Variants in ANK3 observed in about 807,000 individuals in gnomAD.
ANK3 encodes ankyrin-3.
Under a neutral mutation model 370.9 loss-of-function variants are expected in ANK3, and 57 were observed. The ratio of observed to expected loss-of-function variants is 0.15; its 90% confidence interval spans 0.12 to 0.19. The LOEUF is 0.19. Ranked by LOEUF, ANK3 falls within the 10% of genes least tolerant of loss-of-function variation. ANK3 has a pLI of 1.00. For synonymous variants in ANK3, 1,929 were observed against 1,946.3 expected, an observed-to-expected ratio of 0.99 and a Z score of 0.23; for missense variants, 4,439 against 5,302.1, an observed-to-expected ratio of 0.84 and a Z score of 5.06.
At chr10:60,369,527 T>G (rs1019746003) in intron 1 of ANK3, among the ~76,000 whole-genome samples, 2 of 152,174 alleles carry the variant, frequency 1.3e-5, no homozygotes, top group African/African-American at 4.8e-5. Flanking sequence ...CCTTAGAATA[T>G]ATGTATGCCT....
chr10:60,146,770 G>A (rs2094848405), intron 23 of ANK3, among the ~76,000 whole-genome samples: 1 of 152,168 alleles, frequency 6.6e-6, no homozygotes, highest in Admixed American at 6.5e-5. Context: ...ATGAGCCACT[G>A]CGCCCGGCAA....
rs149699719 is a variant in ANK3, at chr10:60,038,210, A to G, written c.*19+4462T>C. Among the ~76,000 whole-genome samples, 94 of 152,320 alleles carry G rather than the reference A, an allele frequency of 6.2e-4. 1 individual carries two copies. The East Asian group carries it at 0.016, about 26-fold the overall frequency. On this transcript the variant is annotated intron_variant, in intron 43 of 43. Transcript: ENST00000280772. ...TCAGGAGTTTGAGACCACCCTGGCC[A>G]ACATGGTGAAACCCCGTCTCTACTA...
chr10:60,389,674 C>A lies in ANK3; in HGVS notation c.-136G>T. 1 of 1,469,484 alleles carries A rather than the reference C, an allele frequency of 6.8e-7. No homozygotes were observed. The highest frequency in any genetic ancestry group is 9.0e-7 in the Non-Finnish European group (1 of 1,116,628). The allele number at this position is 1,469,484 out of a possible 1,614,324, so 91.0% of individuals were successfully genotyped here. On this transcript the variant is annotated 5_prime_UTR_variant, in exon 1 of 44. Coordinates refer to ENST00000280772, the MANE Select transcript of ANK3 (RefSeq NM_020987.5). The stretch of plus-strand genomic sequence containing the variant: ...CTTTGACTAGAAGCAGGAAGATATT[C>A]ACAATGCAAAGATGCTGGAGAAGCT...
intron 1 of ANK3, among the ~76,000 whole-genome samples, chr10:60,344,406 G>A (rs1292683995): frequency 3.9e-5 from 6 of 152,210 alleles, no homozygotes; most frequent in Middle Eastern, 6.8e-3. Flanking sequence ...AGATTATCCC[G>A]ATGCCAAAGA....
At chr10:60,310,603 A>G (rs1318233222) in intron 1 of ANK3, among the ~76,000 whole-genome samples, 1 of 152,228 alleles carries the variant, frequency 6.6e-6, no homozygotes, top group East Asian at 1.9e-4. Flanking sequence ...AAGAGAACAA[A>G]TTAATAAATC....
At chr10:60,446,838 A>G (rs539102426) in intron 2 of ANK3, among the ~76,000 whole-genome samples, 4 of 152,328 alleles carry the variant, frequency 2.6e-5, no homozygotes, top group African/African-American at 7.2e-5. Flanking sequence ...GCCTTTGAAA[A>G]AAATAATACA....
At chr10:60,666,656 G>A (rs534622622) in intron 1 of ANK3, among the ~76,000 whole-genome samples, 1 of 152,206 alleles carries the variant, frequency 6.6e-6, no homozygotes, top group Non-Finnish European at 1.5e-5. Context: ...AAAAAGAGGT[G>A]TGCATATATT....
chr10:60,640,826 T>C (rs1322926483), intron 1 of ANK3, among the ~76,000 whole-genome samples: 3 of 100,412 alleles, frequency 3.0e-5, no homozygotes, highest in African/African-American at 1.0e-4. Flanking sequence ...GGGTATTCAA[T>C]TAGGAAAAGA....
chr10:60,654,929 T>C (rs2078842919), intron 1 of ANK3, among the ~76,000 whole-genome samples: 1 of 152,186 alleles, frequency 6.6e-6, no homozygotes, highest in Non-Finnish European at 1.5e-5. Flanking sequence ...ATGATGATGA[T>C]TCCGTAAGAT....
At chr10:60,287,074 T>A (rs539103747) in intron 1 of ANK3, among the ~76,000 whole-genome samples, 1 of 152,282 alleles carries the variant, frequency 6.6e-6, no homozygotes, top group South Asian at 2.1e-4. Flanking sequence ...TACTGGGGGC[T>A]CACCATTTGG....
At chr10:60,226,273 C>G (rs1378320188) in intron 8 of ANK3, among the ~76,000 whole-genome samples, 4 of 100,454 alleles carry the variant, frequency 4.0e-5, no homozygotes, top group East Asian at 6.1e-4. Flanking sequence ...ACTATATATA[C>G]TATGTATATA....
At chr10:60,634,519 GCA>G (rs2133343468) in intron 1 of ANK3, among the ~76,000 whole-genome samples, 1 of 152,128 alleles carries the variant, frequency 6.6e-6, no homozygotes, top group East Asian at 1.9e-4. Flanking sequence ...GGAACAATTG[GCA>G]CTCTGTAAAA....
intron 6 of ANK3, among the ~76,000 whole-genome samples, chr10:60,262,390 C>T (rs2097820790): frequency 6.6e-6 from 1 of 152,134 alleles, no homozygotes; most frequent in African/African-American, 2.4e-5. Flanking sequence ...TGCCAATTTT[C>T]ATGACAAAAG....
intron 2 of ANK3, among the ~76,000 whole-genome samples, chr10:60,516,547 T>C (rs1451997646): frequency 6.6e-6 from 1 of 152,100 alleles, no homozygotes; most frequent in East Asian, 1.9e-4. Context: ...CTTACTCCTG[T>C]AGACAAAATA....
chr10:60,635,588 A>C (rs920629166), intron 1 of ANK3, among the ~76,000 whole-genome samples: 1 of 152,124 alleles, frequency 6.6e-6, no homozygotes, highest in African/African-American at 2.4e-5. Context: ...TATACTAGTA[A>C]AATCCAAACT....
intron 1 of ANK3, among the ~76,000 whole-genome samples, chr10:60,636,737 C>T (rs2078560222): frequency 2.0e-5 from 3 of 152,212 alleles, no homozygotes; most frequent in African/African-American, 7.2e-5. Flanking sequence ...CATCAACCTA[C>T]TCTCCTAAAA....
At chr10:60,226,308 TACTATATATACTATGTATATATAC>T in intron 8 of ANK3, among the ~76,000 whole-genome samples, 1 of 110,792 alleles carries the variant, frequency 9.0e-6, no homozygotes, top group East Asian at 2.9e-4. Flanking sequence ...GTATATGTAA[TACTATATATACTATGTATATATAC>T]TATATTATAT....
intron 2 of ANK3, among the ~76,000 whole-genome samples, chr10:60,614,873 A>C (rs1049270446): frequency 7.2e-5 from 11 of 152,124 alleles, no homozygotes; most frequent in African/African-American, 2.4e-4. Flanking sequence ...GGTCTTGGTT[A>C]CTCTGTACCT....
chr10:60,285,971 AC>A (rs1167037818), intron 1 of ANK3, among the ~76,000 whole-genome samples: 1 of 152,144 alleles, frequency 6.6e-6, no homozygotes, highest in African/African-American at 2.4e-5. Flanking sequence ...TTATGTGTAC[AC>A]ATCTGATTCA....
Sources: gnomAD v4.1 joint callset for allele counts (sites outside exome capture counted in the v4.1 genomes callset) on GRCh38, gnomAD v4.1.1 for gene constraint, MANE v1.5 for transcripts, NCBI Gene and HGNC (gene_info 2026-07-23, HGNC 2026-07-21) for gene names.